The following PEBP4 variants were observed in gnomAD, a reference collection of about 807,000 sequenced individuals.
The protein encoded by PEBP4 is phosphatidylethanolamine-binding protein 4.
Under a neutral mutation model 23.9 loss-of-function variants are expected in PEBP4, and 22 were observed. The observed-to-expected ratio is 0.92, with a 90% CI of 0.66 to 1.31. The LOEUF (loss-of-function observed/expected upper bound fraction) is 1.31. PEBP4 is among the 40% of genes most tolerant of loss of function. The probability of loss-of-function intolerance (pLI) is 0.00; values close to 1 mark genes in which losing one functional copy is unlikely to be tolerated. For missense variants in PEBP4, 324 were observed against 281.7 expected (o/e 1.15, Z -1.07); for synonymous variants, 112 against 99.3 (o/e 1.13, Z -0.76).
intron 4 of PEBP4, among the ~76,000 whole-genome samples, chr8:22,737,294 C>CAAAAAA (rs11302571): frequency 4.6e-5 from 3 of 65,494 alleles, no homozygotes; most frequent in African/African-American, 1.1e-4. Flanking sequence ...GACTCCGTCT[C>CAAAAAA]AAAAAAAAAA....
intron 4 of PEBP4, among the ~76,000 whole-genome samples, chr8:22,750,033 C>T (rs1023695454): frequency 4.6e-5 from 7 of 151,248 alleles, no homozygotes; most frequent in Non-Finnish European, 8.8e-5. Context: ...CTCGAACTCC[C>T]GACCTCATGT....
chr8:22,735,910 A>G (rs1233117629), intron 4 of PEBP4, among the ~76,000 whole-genome samples: 1 of 152,266 alleles, frequency 6.6e-6, no homozygotes, highest in Non-Finnish European at 1.5e-5. Context: ...GAAAAATTGT[A>G]AAACACAGAA....
intron 4 of PEBP4, among the ~76,000 whole-genome samples, chr8:22,794,146 C>A (rs536964900): frequency 1.7e-4 from 26 of 152,254 alleles, no homozygotes; most frequent in African/African-American, 6.3e-4. Context: ...GTCCTTTGCT[C>A]ATTTTTCTAC....
chr8:22,931,492 C>G (rs1374645971), upstream of PEBP4, among the ~76,000 whole-genome samples: 2 of 152,196 alleles, frequency 1.3e-5, no homozygotes, highest in Non-Finnish European at 2.9e-5. Flanking sequence ...TCCCTCTTTT[C>G]CAGCCTCCCT....
chr8:22,839,861 C>G (rs1298424937), intron 3 of PEBP4, among the ~76,000 whole-genome samples: 2 of 151,318 alleles, frequency 1.3e-5, no homozygotes, highest in African/African-American at 4.9e-5. Flanking sequence ...CGCCCAAACC[C>G]CAATTGGAAT....
At chr8:22,860,410 C>T (rs1807752537) in intron 3 of PEBP4, among the ~76,000 whole-genome samples, 2 of 152,036 alleles carry the variant, frequency 1.3e-5, no homozygotes, top group Non-Finnish European at 2.9e-5. Flanking sequence ...CAGCTCCTGG[C>T]AACAACCATT....
At chr8:22,899,871 C>T (rs1410432929) in intron 3 of PEBP4, among the ~76,000 whole-genome samples, 2 of 152,134 alleles carry the variant, frequency 1.3e-5, no homozygotes, top group Non-Finnish European at 2.9e-5. Context: ...TTTATTTGCC[C>T]ATGTTATGCA....
intron 4 of PEBP4, chr8:22,757,467 C>T (rs140725880): frequency 3.9e-4 from 59 of 152,614 alleles, no homozygotes; most frequent in African/African-American, 1.3e-3. Context: ...AGCTCACAGA[C>T]ATGACCTCAT....
chr8:22,725,187 C>A (rs145155882), intron 5 of PEBP4, among the ~76,000 whole-genome samples: 17 of 152,250 alleles, frequency 1.1e-4, no homozygotes, highest in Admixed American at 5.9e-4. Flanking sequence ...AGAGGAAACA[C>A]CCTGAGCTGG....
intron 4 of PEBP4, among the ~76,000 whole-genome samples, chr8:22,797,532 G>A (rs1332137470): frequency 2.0e-5 from 3 of 152,156 alleles, no homozygotes; most frequent in African/African-American, 7.2e-5. Flanking sequence ...GAATAACTTC[G>A]TTTTGGGAGA....
At chr8:22,855,884 A>T (rs1228098986) in intron 3 of PEBP4, among the ~76,000 whole-genome samples, 1 of 151,902 alleles carries the variant, frequency 6.6e-6, no homozygotes, top group African/African-American at 2.4e-5. Flanking sequence ...TTACAAAAAA[A>T]TTTTAAAAAT....
At position 22,775,947 on chromosome 8, in the gene PEBP4, G is replaced by A. The variant is rs1479227230; in HGVS notation, c.357+41690C>T. Among the ~76,000 whole-genome samples, 1 of 152,094 alleles carries A rather than the reference G, an allele frequency of 6.6e-6. No individual in the cohort carries two copies. Among genetic ancestry groups the A allele is most frequent in the African/African-American group, 2.4e-5 (1 of 41,406 alleles). The stretch of plus-strand genomic sequence containing the variant: ...CTACCAGGGATGGCCAGGGTGGTCT[G>A]GGCTCACCCCTGGAACAATGGGGGT... On this transcript the variant is annotated intron_variant, in intron 4 of 6. Coordinates refer to ENST00000256404, the MANE Select transcript of PEBP4 (RefSeq NM_144962.3). This position sits in a 1 kb window ranked among gnomAD's most constrained non-coding sequence, Gnocchi z 4.8.
intron 3 of PEBP4, among the ~76,000 whole-genome samples, chr8:22,898,479 C>T (rs968523616): frequency 1.4e-5 from 2 of 147,250 alleles, no homozygotes; most frequent in African/African-American, 5.0e-5. Flanking sequence ...GCTAAGACAC[C>T]ATCACAGAAA....
upstream of PEBP4, among the ~76,000 whole-genome samples, chr8:22,928,506 G>A (rs931602652): frequency 4.6e-5 from 7 of 152,202 alleles, no homozygotes; most frequent in African/African-American, 1.7e-4. Flanking sequence ...GCCTGCCCCA[G>A]CAGTGCACTG....
intron 4 of PEBP4, among the ~76,000 whole-genome samples, chr8:22,731,470 TATAAC>T (rs1409310033): frequency 1.3e-5 from 2 of 152,232 alleles, no homozygotes; most frequent in Admixed American, 6.5e-5. Flanking sequence ...ATAGAATACA[TATAAC>T]ATACAAAACA....
At chr8:22,784,953 G>T (rs1390541455) in intron 4 of PEBP4, among the ~76,000 whole-genome samples, 1 of 152,202 alleles carries the variant, frequency 6.6e-6, no homozygotes, top group African/African-American at 2.4e-5. Flanking sequence ...CCTTTTGCGG[G>T]TGCTGGGGAC....
intron 3 of PEBP4, among the ~76,000 whole-genome samples, chr8:22,909,726 T>C (rs1808896291): frequency 6.6e-6 from 1 of 152,210 alleles, no homozygotes; most frequent in African/African-American, 2.4e-5. Flanking sequence ...GTTCAAATCC[T>C]GACTCTGTTG....
chr8:22,758,351 G>A (rs184098391), intron 4 of PEBP4, among the ~76,000 whole-genome samples: 82 of 152,314 alleles, frequency 5.4e-4, no homozygotes, highest in Non-Finnish European at 1.0e-3. Context: ...GGCCCAGGTA[G>A]TAAATATTTG....
chr8:22,860,394 T>TC (rs1807752032), intron 3 of PEBP4, among the ~76,000 whole-genome samples: 1 of 151,696 alleles, frequency 6.6e-6, no homozygotes, highest in African/African-American at 2.4e-5. Context: ...CTCTTCCCTC[T>TC]CCCCCCAGCT....
Sources: gnomAD v4.1 joint callset for allele counts (sites outside exome capture counted in the v4.1 genomes callset) on GRCh38, gnomAD v4.1.1 for gene constraint, Gnocchi (gnomAD v3.1) non-coding constraint, MANE v1.5 for transcripts, NCBI Gene and HGNC (gene_info 2026-07-23, HGNC 2026-07-21) for gene names.